The following USH2A variants were observed in gnomAD, a reference collection of about 807,000 sequenced individuals.
USH2A encodes usherin.
USH2A carries 443 observed loss-of-function variants against 538.9 expected under a neutral mutation model. That is an observed-to-expected ratio of 0.82 (90% CI 0.76 to 0.89). The LOEUF is 0.89. Ranked by LOEUF, USH2A falls within the 40% of genes least tolerant of loss-of-function variation. The pLI, the probability that USH2A is intolerant of heterozygous loss-of-function variation, is 0.00. For synonymous variants in USH2A, 2,413 were observed against 2,273.5 expected (o/e 1.06, Z -1.75); for missense variants, 6,633 against 6,324.8 (o/e 1.05, Z -1.65).
intron 36 of USH2A, among the ~76,000 whole-genome samples, chr1:215,969,039 A>G (rs190530245): frequency 3.3e-5 from 5 of 152,312 alleles, no homozygotes; most frequent in Non-Finnish European, 2.9e-5. Flanking sequence ...TATTTAGAAT[A>G]CTCAGATATG....
At chr1:215,795,040 C>T (rs1662087041) in intron 50 of USH2A, among the ~76,000 whole-genome samples, 1 of 152,078 alleles carries the variant, frequency 6.6e-6, no homozygotes. Flanking sequence ...CTTCTCTTTC[C>T]TTCTCTATTG....
intron 30 of USH2A, among the ~76,000 whole-genome samples, chr1:216,062,268 G>A (rs921334743): frequency 5.3e-5 from 8 of 152,082 alleles, no homozygotes; most frequent in African/African-American, 1.7e-4. Context: ...AGAGACAGAA[G>A]GTAAGCAGTA....
chr1:215,870,755 A>C (rs542168825), intron 43 of USH2A, among the ~76,000 whole-genome samples: 1 of 152,270 alleles, frequency 6.6e-6, no homozygotes, highest in South Asian at 2.1e-4. Flanking sequence ...AGAATGTATT[A>C]GTTGGCTTGA....
At chr1:215,889,752 C>T (rs1665161902) in intron 40 of USH2A, among the ~76,000 whole-genome samples, 1 of 152,084 alleles carries the variant, frequency 6.6e-6, no homozygotes. Context: ...TCAGGAGGCT[C>T]CATGAATACT....
chr1:216,124,306 T>A (rs1292340540), intron 21 of USH2A, among the ~76,000 whole-genome samples: 3 of 151,954 alleles, frequency 2.0e-5, no homozygotes, highest in Admixed American at 6.6e-5. Flanking sequence ...CAGAAACCCC[T>A]CTCAGGCAGT....
At chr1:216,402,991 T>C (rs1289336242) in intron 3 of USH2A, among the ~76,000 whole-genome samples, 1 of 152,150 alleles carries the variant, frequency 6.6e-6, no homozygotes, top group Non-Finnish European at 1.5e-5. Context: ...CTTAAAACAT[T>C]AAGTTTCTAC....
intron 20 of USH2A, among the ~76,000 whole-genome samples, chr1:216,184,037 T>C (rs144591998): frequency 6.6e-6 from 1 of 152,128 alleles, no homozygotes; most frequent in East Asian, 1.9e-4. Context: ...ATTTCACTGA[T>C]GCTAAGACAC....
intron 32 of USH2A, among the ~76,000 whole-genome samples, chr1:216,030,315 C>G (rs1669080369): frequency 7.8e-6 from 1 of 128,474 alleles, no homozygotes; most frequent in South Asian, 2.4e-4. Flanking sequence ...AGATATATAT[C>G]ACAGATATAT....
chr1:216,402,635 TA>T (rs1371163144), intron 3 of USH2A, among the ~76,000 whole-genome samples: 2 of 152,214 alleles, frequency 1.3e-5, no homozygotes, highest in Non-Finnish European at 2.9e-5. Flanking sequence ...TTTCTCTATT[TA>T]ATTATAAGAA....
chr1:215,633,014 G>A (rs1656358008), intron 70 of USH2A, among the ~76,000 whole-genome samples: 2 of 152,130 alleles, frequency 1.3e-5, no homozygotes. Flanking sequence ...ATTGATCCTG[G>A]GAGCTTACCT....
intron 49 of USH2A, among the ~76,000 whole-genome samples, chr1:215,810,022 G>A (rs1662621348): frequency 6.6e-6 from 1 of 152,096 alleles, no homozygotes; most frequent in Non-Finnish European, 1.5e-5. Context: ...GGTACAGTGG[G>A]ATTAATGATT....
chr1:216,119,374 A>C (rs1417953215), intron 21 of USH2A, among the ~76,000 whole-genome samples: 2 of 152,040 alleles, frequency 1.3e-5, no homozygotes, highest in African/African-American at 4.8e-5. Flanking sequence ...GGTATATTTC[A>C]GTGGAACTGA....
At chr1:216,236,205 AT>A (rs202111984) in intron 13 of USH2A, among the ~76,000 whole-genome samples, 16 of 148,592 alleles carry the variant, frequency 1.1e-4, no homozygotes, top group East Asian at 4.0e-4. Flanking sequence ...TTCTGCTGTT[AT>A]TTTTTTTTTC....
rs2102460266 is a variant in USH2A at position 215,888,702 on chromosome 1, G to A, written c.7947C>T (p.His2649=). The change falls in exon 41 of 72, where the codon CAC becomes CAT. Residue 2649 remains histidine (H), a synonymous_variant. Coordinates refer to ENST00000307340, the MANE Select transcript of USH2A (RefSeq NM_206933.4). ...TGAAATTCTCCACCAAGCCATTGGG[G>A]TGGGTAGGGGGTTGCCAAGATATAA... ...SVIISWQPPT[H]PNGLVENFTI... The A allele has an allele frequency of 6.2e-7, 1 of 1,614,186 alleles. No individual in the cohort carries two copies.
Position 216,281,423 on chromosome 1 carries a change from C to T in USH2A, c.1971+7857G>A, listed in dbSNP as rs192090373. 4.1e-3 allele frequency among the ~76,000 whole-genome samples: 616 copies of T among 152,032 alleles called. 2 individuals carry two copies. The highest frequency in any genetic ancestry group is 0.014 in the African/African-American group (587 of 41,490). On this transcript the variant is annotated intron_variant, in intron 11 of 71. Coordinates refer to ENST00000307340, the MANE Select transcript of USH2A (RefSeq NM_206933.4). ...GTTAACATTTTAAAGCATGTCTTTC[C>T]TTCCATATATTTTTAAAACAGATTT...
At chr1:215,737,589 T>C (rs1433906818) in intron 60 of USH2A, among the ~76,000 whole-genome samples, 1 of 151,930 alleles carries the variant, frequency 6.6e-6, no homozygotes, top group Non-Finnish European at 1.5e-5. Flanking sequence ...GTGAAGATCA[T>C]TGGTAAAAGG....
chr1:215,923,770 TCCTATTATATG>T (rs1193008635), intron 38 of USH2A, among the ~76,000 whole-genome samples: 2 of 152,178 alleles, frequency 1.3e-5, no homozygotes, highest in African/African-American at 4.8e-5. Context: ...ATTACTAATA[TCCTATTATATG>T]CCTGAGCCAA....
intron 23 of USH2A, among the ~76,000 whole-genome samples, chr1:216,088,118 CT>C (rs1009509828): frequency 3.9e-5 from 6 of 152,108 alleles, no homozygotes; most frequent in African/African-American, 1.4e-4. Context: ...TGTGCTCTCA[CT>C]TCAGGGCCCT....
At position 215,674,681 on chromosome 1, in the gene USH2A, G is replaced by A. The variant is rs1157935687; in HGVS notation, c.13230C>T (p.His4410=). 4 of 1,613,910 alleles carry A rather than the reference G, an allele frequency of 2.5e-6. No individual in the cohort carries two copies. The highest frequency in any genetic ancestry group is 2.2e-5 in the East Asian group (1 of 44,850). The stretch of plus-strand genomic sequence containing the variant: ...AGTTATACTGAGAGTAAGGCTGCAG[G>A]TGGGAAACCAGCAGGCACAGGCCCT... ...AGQGLCLLVS[H]LQPYSQYNFS... Residue 4410 remains histidine, a synonymous_variant, in exon 63 of 72, where the codon CAC becomes CAT. Transcript: ENST00000307340.
Sources: gnomAD v4.1 joint callset for allele counts (sites outside exome capture counted in the v4.1 genomes callset) on GRCh38, gnomAD v4.1.1 for gene constraint, MANE v1.5 for transcripts, NCBI Gene and HGNC (gene_info 2026-07-23, HGNC 2026-07-21) for gene names.